CDH8: variants seen among roughly 807,000 people sequenced by gnomAD.
CDH8 encodes cadherin-8.
A neutral mutation model predicts 68.1 loss-of-function variants in CDH8; 17 were observed. That is an observed-to-expected ratio of 0.25 (90% confidence interval 0.17 to 0.37). The LOEUF (loss-of-function observed/expected upper bound fraction) is 0.37. Among genes scored for constraint, CDH8 ranks in the 10% least tolerant of loss-of-function variants. CDH8 has a pLI of 1.00. For missense variants in CDH8, 763 were observed against 999.3 expected (o/e 0.76, Z 3.19); for synonymous variants, 372 against 365.1 (o/e 1.02, Z -0.21).
intron 4 of CDH8, among the ~76,000 whole-genome samples, chr16:61,827,346 A>G (rs946651447): frequency 6.6e-6 from 1 of 151,898 alleles, no homozygotes; most frequent in South Asian, 2.1e-4. Context: ...AGAGCAAAAT[A>G]ATGTTGTTCT....
Position 61,901,254 on chromosome 16 carries a change from G to A in CDH8, c.472C>T (p.Gln158Ter). 1 of 1,613,934 alleles carries A rather than the reference G, an allele frequency of 6.2e-7. No homozygotes were observed. Among genetic ancestry groups the A allele is most frequent in the Non-Finnish European group, 8.5e-7 (1 of 1,179,898 alleles). Residue 158 changes from glutamine to a stop codon, truncating the protein, a stop_gained, in exon 3 of 12, where the codon CAA (glutamine) becomes TAA (stop). Coordinates refer to ENST00000577390, the MANE Select transcript of CDH8 (RefSeq NM_001796.5). LOFTEE classifies it high-confidence loss of function. The stretch of plus-strand genomic sequence containing the variant: ...TCTGGTGCATTGTCATTGATGTCTT[G>A]AACTTTAATAATAAATTCAGAAGGA... ...EPPSEFIIKV[Q>*]DINDNAPEFL...
intron 10 of CDH8, among the ~76,000 whole-genome samples, chr16:61,694,387 T>G (rs1486925193): frequency 6.6e-6 from 1 of 152,208 alleles, no homozygotes; most frequent in Non-Finnish European, 1.5e-5. Flanking sequence ...GAATTTATAC[T>G]TGGAGCATTT....
intron 4 of CDH8, among the ~76,000 whole-genome samples, chr16:61,837,933 T>C (rs1016811921): frequency 2.0e-5 from 3 of 152,104 alleles, no homozygotes; most frequent in Admixed American, 2.0e-4. Flanking sequence ...CTGACCTTCC[T>C]TGGAGGGAAG....
chr16:62,027,334 A>C (rs1477070869), intron 1 of CDH8, among the ~76,000 whole-genome samples: 1 of 152,224 alleles, frequency 6.6e-6, no homozygotes, highest in Non-Finnish European at 1.5e-5. Context: ...CGGATATATA[A>C]GTCATTATGC....
chr16:61,715,381 T>C (rs528552454), intron 9 of CDH8, among the ~76,000 whole-genome samples: 10 of 151,702 alleles, frequency 6.6e-5, no homozygotes, highest in Middle Eastern at 3.4e-3. Context: ...TTGTGTGACA[T>C]TGAAGGAGTT....
rs956515993 is a variant in CDH8, at chr16:61,819,238, C to A, written c.1024-1506G>T. On this transcript the variant is annotated intron_variant, in intron 6 of 11. Coordinates refer to ENST00000577390, the MANE Select transcript of CDH8 (RefSeq NM_001796.5). ...AGAGGGCCTATAAATTGTAGAAATA[C>A]AACTCCTTTGCACTGTTCTCTAGGG... Among the ~76,000 whole-genome samples the A allele has an allele frequency of 2.6e-5, 4 of 152,050 alleles. No homozygotes were observed. The South Asian group carries it at 8.3e-4, about 31-fold the overall frequency.
In CDH8 at chr16:61,968,576, G is replaced by T. The variant is rs1215864275; in HGVS notation, c.252+52576C>A. Among the ~76,000 whole-genome samples the T allele has an allele frequency of 4.6e-5, 7 of 152,144 alleles. No individual in the cohort carries two copies. In the East Asian group the frequency reaches 1.2e-3, roughly 25 times the overall value. On this transcript the variant is annotated intron_variant, in intron 2 of 11. Coordinates refer to ENST00000577390, the MANE Select transcript of CDH8 (RefSeq NM_001796.5). ...GCAGAATCGATGAAAGAAAAGCCTAGCTTTTAGTATAAAAACTACCATTTA... is the reference window on the plus strand; with the variant it reads ...GCAGAATCGATGAAAGAAAAGCCTATCTTTTAGTATAAAAACTACCATTTA...
chr16:61,770,487 C>T (rs192984019), intron 8 of CDH8, among the ~76,000 whole-genome samples: 58 of 151,966 alleles, frequency 3.8e-4, no homozygotes, highest in African/African-American at 1.4e-3. Context: ...TTACTCATTC[C>T]TAAAGCACAG....
At chr16:61,938,596 A>G (rs1244384500) in intron 2 of CDH8, among the ~76,000 whole-genome samples, 1 of 152,208 alleles carries the variant, frequency 6.6e-6, no homozygotes, top group Non-Finnish European at 1.5e-5. Flanking sequence ...TACTGCTAAT[A>G]ATTAAGCTAG....
intron 11 of CDH8, among the ~76,000 whole-genome samples, chr16:61,654,495 T>C (rs1963396529): frequency 6.7e-6 from 1 of 148,426 alleles, no homozygotes; most frequent in Non-Finnish European, 1.5e-5. Context: ...CTCCCTTCTA[T>C]TAAAAAAAAA....
chr16:61,918,425 T>G (rs1964285691), intron 2 of CDH8: 1 of 153,928 alleles, frequency 6.5e-6, no homozygotes, highest in African/African-American at 2.4e-5. Context: ...CACTAGGGAG[T>G]GCCAGACAGT....
intron 9 of CDH8, 144 bp downstream of exon 9, chr16:61,726,950 C>T: frequency 1.2e-6 from 1 of 827,310 alleles, no homozygotes; most frequent in Non-Finnish European, 1.9e-6. Context: ...AAAAAAATTC[C>T]CTCTCTGTTC....
chr16:61,768,358 CT>C (rs1960669557), intron 8 of CDH8, among the ~76,000 whole-genome samples: 15 of 113,606 alleles, frequency 1.3e-4, no homozygotes, highest in African/African-American at 4.9e-4. Flanking sequence ...CTCTCTCTCT[CT>C]CTCTCTCTCC....
At chr16:61,678,579 C>A (rs569181403) in intron 10 of CDH8, among the ~76,000 whole-genome samples, 1 of 151,944 alleles carries the variant, frequency 6.6e-6, no homozygotes, top group Non-Finnish European at 1.5e-5. Flanking sequence ...GCAGAACATG[C>A]AGGTTTGTTA....
At chr16:61,713,150 TAAA>T (rs1964662164) in intron 10 of CDH8, among the ~76,000 whole-genome samples, 1 of 151,386 alleles carries the variant, frequency 6.6e-6, no homozygotes, top group Non-Finnish European at 1.5e-5. Flanking sequence ...GCTTAGAAAA[TAAA>T]AATTTTCAAA....
At chr16:61,740,633 G>A (rs1179689218) in intron 8 of CDH8, among the ~76,000 whole-genome samples, 2 of 152,064 alleles carry the variant, frequency 1.3e-5, no homozygotes, top group Non-Finnish European at 2.9e-5. Flanking sequence ...AATTCATAAA[G>A]ATTGAATTCA....
At chr16:61,939,458 G>A (rs8057210) in intron 2 of CDH8, among the ~76,000 whole-genome samples, 5,694 of 152,192 alleles carry the variant, frequency 0.037, 365 homozygotes, top group African/African-American at 0.13. Flanking sequence ...TGACAGCTAA[G>A]TTTAATTTAT....
intron 8 of CDH8, among the ~76,000 whole-genome samples, chr16:61,739,239 G>C (rs1189581479): frequency 6.6e-6 from 1 of 151,902 alleles, no homozygotes; most frequent in Admixed American, 6.6e-5. Context: ...TTATATTTTA[G>C]AACCTTAGGG....
chr16:62,021,731 G>A (rs1002703975), intron 1 of CDH8, 129 bp from the exon 2 acceptor site: 6 of 424,954 alleles, frequency 1.4e-5, no homozygotes, highest in Non-Finnish European at 2.4e-5. Context: ...TAAGAAAGTG[G>A]ATCTGAAGAA....
Sources: gnomAD v4.1 joint callset for allele counts (sites outside exome capture counted in the v4.1 genomes callset) on GRCh38, gnomAD v4.1.1 for gene constraint, MANE v1.5 for transcripts, NCBI Gene and HGNC (gene_info 2026-07-23, HGNC 2026-07-21) for gene names.